MAP3K11: variants seen among roughly 807,000 people sequenced by gnomAD.
MAP3K11 encodes the protein SH3 domain-containing proline-rich kinase.
In MAP3K11, 46 loss-of-function variants were observed where a neutral mutation model predicts 84.9. The ratio of observed to expected loss-of-function variants is 0.54; its 90% CI spans 0.43 to 0.69. The LOEUF is 0.69. Ranked by LOEUF, MAP3K11 falls within the 30% of genes least tolerant of loss-of-function variation. The pLI is 0.00. For missense variants in MAP3K11, 1,053 were observed against 1,198.3 expected (o/e 0.88, Z 1.79); for synonymous variants, 527 against 514.7 (o/e 1.02, Z -0.32).
rs543893204 is a variant in MAP3K11 at position 65,608,205 on chromosome 11, A to G, written c.920+63T>C. 42 of 1,591,112 alleles carry G rather than the reference A, an allele frequency of 2.6e-5. 1 individual carries two copies. In the South Asian group the frequency reaches 4.7e-4, roughly 18 times the overall value. On this transcript the variant is annotated intron_variant, in intron 2 of 9. Coordinates refer to ENST00000309100, the MANE Select transcript of MAP3K11 (RefSeq NM_002419.4). Reference sequence around the variant, plus strand: ...CTGGACTTGGCCCAGCCCTAGATTTAGGCAGCCACCTCTGCCCTCTGCAGC... The same window carrying G: ...CTGGACTTGGCCCAGCCCTAGATTTGGGCAGCCACCTCTGCCCTCTGCAGC...
At chr11:65,606,592 AAGAGGGGATAGTG>A in intron 6 of MAP3K11, 86 bp downstream of exon 6, 1 of 846,176 alleles carries the variant, frequency 1.2e-6, no homozygotes. Flanking sequence ...GGCGGGGAGG[AAGAGGGGATAGTG>A]AGTGGGCTCC....
chr11:65,601,584 G>A (rs557356559), intron 8 of MAP3K11, among the ~76,000 whole-genome samples: 3 of 151,722 alleles, frequency 2.0e-5, no homozygotes, highest in Admixed American at 6.6e-5. Context: ...GTGAAACCCT[G>A]TCTCTACTAA....
Position 65,598,508 on chromosome 11 carries a change from A to G in MAP3K11, c.2327T>C (p.Ile776Thr). 6.2e-7 allele frequency: 1 copy of G among 1,613,676 alleles called. No individual in the cohort carries two copies. Among genetic ancestry groups the G allele is most frequent in the African/African-American group, 1.3e-5 (1 of 75,052 alleles). The change falls in exon 10 of 10, where the codon ATT becomes ACT. Residue 776 changes from isoleucine (I) to threonine (T), a missense_variant. By Grantham distance (89) the Ile-to-Thr change is moderately conservative. Transcript: ENST00000309100. ...RPRPSPLRSR[I>T]DPWSFVSAGP... The stretch of plus-strand genomic sequence containing the variant: ...AGCTGACACAAAGCTCCAGGGATCA[A>G]TGCGGCTGCGAAGGGGCGAGGGCCG...
chr11:65,598,246 A>G lies in MAP3K11; in HGVS notation c.*45T>C, dbSNP rs775759325. On this transcript the variant is annotated 3_prime_UTR_variant, in exon 10 of 10. Coordinates refer to ENST00000309100, the MANE Select transcript of MAP3K11 (RefSeq NM_002419.4). ...AGCTCCTGTTCCAGTGTATGCTGTG[A>G]CTCCTCCTAAGGCAGCTGGAGCTCG... is the stretch of plus-strand genomic sequence containing the variant. 1.2e-5 allele frequency: 17 copies of G among 1,376,432 alleles called. No homozygotes were observed. Among genetic ancestry groups the G allele is most frequent in the Admixed American group, 3.3e-5 (1 of 30,634 alleles). 85.3% of individuals were successfully genotyped at this position (1,376,432 alleles called of 1,614,324 possible). A position where few individuals can be genotyped will look rare whatever the true frequency, so the allele number is the denominator to read the frequency against.
rs1232143849 is a variant in MAP3K11 at position 65,613,742 on chromosome 11, C to T, written c.15G>A (p.Lys5=). The T allele has an allele frequency of 6.4e-7, 1 of 1,561,950 alleles. No homozygotes were observed. The highest frequency in any genetic ancestry group is 8.7e-7 in the Non-Finnish European group (1 of 1,154,864). ...CTAGAGGGCTCTTGAGGAAGAGGCT[C>T]TTCAAGGGCTCCATGGCCGGGAGCC... The part of the protein sequence containing the change: MEPL[K]SLFLKSPLGS... The change falls in exon 1 of 10, where the codon AAG becomes AAA. Residue 5 remains lysine (K), a synonymous_variant. Coordinates refer to ENST00000309100, the MANE Select transcript of MAP3K11 (RefSeq NM_002419.4).
In MAP3K11 at chr11:65,608,037, C is replaced by T; in HGVS notation, c.954G>A (p.Gly318=). Residue 318 remains glycine (G), a synonymous_variant, in exon 3 of 10, where the codon GGG becomes GGA. Transcript: ENST00000309100. ...AGTCAATGCCACGGTATGGCACCTC[C>T]CCGGTCAGCAGTTCCCACAGCAGCA... ...FGVLLWELLT[G]EVPYRGIDCL... is the part of the protein sequence containing the mutation. The T allele has an allele frequency of 3.1e-6, 5 of 1,614,204 alleles. No individual in the cohort carries two copies. The South Asian group carries it at 5.5e-5, about 18-fold the overall frequency.
chr11:65,606,836 G>A, intron 5 of MAP3K11, 32 bp from the exon 6 acceptor site: 7 of 1,454,364 alleles, frequency 4.8e-6, no homozygotes, highest in Non-Finnish European at 6.7e-6. Context: ...GCAGGGTTCA[G>A]GTTTGTGATG....
intron 8 of MAP3K11, among the ~76,000 whole-genome samples, chr11:65,602,010 T>C (rs1021712614): frequency 6.7e-6 from 1 of 150,366 alleles, no homozygotes; most frequent in Admixed American, 6.6e-5. Flanking sequence ...GAGACCATCC[T>C]GGCCAACATG....
chr11:65,607,253 CG>C lies in MAP3K11; in HGVS notation c.1489+16del. 1 of 1,479,106 alleles carries C rather than the reference CG, an allele frequency of 6.8e-7. No individual in the cohort carries two copies. Among genetic ancestry groups the C allele is most frequent in the Non-Finnish European group, 8.9e-7 (1 of 1,125,430 alleles). The allele number at this position is 1,479,106 out of a possible 1,614,324, so 91.6% of individuals were successfully genotyped here. On this transcript the variant is annotated intron_variant, in intron 5 of 9. Coordinates refer to ENST00000309100, the MANE Select transcript of MAP3K11 (RefSeq NM_002419.4). ...CCGCAGCCAATGGCGGGGGACGCCCCGGGGCCCGGCCCTCACCGAGTGGCAT... is the reference window on the plus strand; with the variant it reads ...CCGCAGCCAATGGCGGGGGACGCCCCGGGCCCGGCCCTCACCGAGTGGCAT...
At chr11:65,601,150 G>T (rs1001586708) in intron 8 of MAP3K11, among the ~76,000 whole-genome samples, 1 of 152,134 alleles carries the variant, frequency 6.6e-6, no homozygotes, top group East Asian at 1.9e-4. Context: ...AGACTCCTCG[G>T]CTCTCAACTC....
chr11:65,601,755 CAAA>C (rs34686164), intron 8 of MAP3K11, among the ~76,000 whole-genome samples: 3 of 125,984 alleles, frequency 2.4e-5, no homozygotes, highest in African/African-American at 3.1e-5. Flanking sequence ...GACTCCGTCT[CAAA>C]AAAAAAAAAA....
chr11:65,608,133 A>T, intron 2 of MAP3K11, 63 bp from the exon 3 acceptor site: 1 of 1,599,988 alleles, frequency 6.3e-7, no homozygotes, highest in Non-Finnish European at 8.6e-7. Flanking sequence ...CCTTACTGCC[A>T]CTTCACCCAA....
In MAP3K11 at chr11:65,599,630, A is replaced by G. The variant is rs1295178937; in HGVS notation, c.1970T>C (p.Leu657Pro). Reference sequence around the variant, plus strand: ...TCCCGGCGGCTGCAGGTCGCGGCCAAGGCCCAGCGAGGCGAGCAGGGCGGT... The same window carrying G: ...TCCCGGCGGCTGCAGGTCGCGGCCAGGGCCCAGCGAGGCGAGCAGGGCGGT... The part of the protein sequence containing the change: ...RGTALLASLG[L>P]GRDLQPPGGP... The change falls in exon 9 of 10, where the codon CTT becomes CCT. Residue 657 changes from leucine to proline, a missense_variant. By Grantham distance (98) the Leu-to-Pro change is moderately conservative. Coordinates refer to ENST00000309100, the MANE Select transcript of MAP3K11 (RefSeq NM_002419.4). 2.0e-6 allele frequency: 3 copies of G among 1,535,570 alleles called. No individual in the cohort carries two copies. The highest frequency in any genetic ancestry group is 2.6e-6 in the Non-Finnish European group (3 of 1,146,020).
intron 9 of MAP3K11, among the ~76,000 whole-genome samples, chr11:65,599,072 T>C (rs975869154): frequency 1.1e-4 from 16 of 152,174 alleles, no homozygotes; most frequent in Admixed American, 9.8e-4. Flanking sequence ...AGTGTCATGA[T>C]CACCGCTCAC....
intron 6 of MAP3K11, 189 bp downstream of exon 6, chr11:65,606,502 G>C: frequency 2.2e-6 from 1 of 460,434 alleles, no homozygotes; most frequent in Admixed American, 4.3e-5. Flanking sequence ...ACAATTATTT[G>C]ACTAAAAAAA....
intron 5 of MAP3K11, chr11:65,607,024 A>G (rs2306361): frequency 1.6e-6 from 1 of 618,416 alleles, no homozygotes; most frequent in Non-Finnish European, 2.6e-6. Context: ...GGCCCCGCCC[A>G]CTAGACCTTC....
chr11:65,604,214 G>T (rs1050031939), intron 8 of MAP3K11, among the ~76,000 whole-genome samples: 7 of 152,248 alleles, frequency 4.6e-5, no homozygotes, highest in Admixed American at 3.9e-4. Flanking sequence ...AAAAAAACAT[G>T]GGGCAAGCTT....
At position 65,613,999 on chromosome 11, in the gene MAP3K11, C is replaced by T. The variant is rs1286411646; in HGVS notation, c.-243G>A. The T allele has an allele frequency of 5.8e-6, 3 of 516,704 alleles. No homozygotes were observed. The highest frequency in any genetic ancestry group is 6.4e-5 in the East Asian group (2 of 31,146). 32.0% of individuals were successfully genotyped at this position (516,704 alleles called of 1,614,324 possible). A position where few individuals can be genotyped will look rare whatever the true frequency, so the allele number is the denominator to read the frequency against. The stretch of plus-strand genomic sequence containing the variant: ...CGGGGGGGTGGGGCCCCGGGGCCTC[C>T]GGCGCCTCACCATGGCTAGCTTGGA... On this transcript the variant is annotated 5_prime_UTR_variant, in exon 1 of 10. Coordinates refer to ENST00000309100, the MANE Select transcript of MAP3K11 (RefSeq NM_002419.4).
At position 65,599,500 on chromosome 11, in the gene MAP3K11, G is replaced by A; in HGVS notation, c.2100C>T (p.Leu700=). 3.3e-6 allele frequency: 5 copies of A among 1,498,048 alleles called. No homozygotes were observed. The highest frequency in any genetic ancestry group is 4.4e-6 in the Non-Finnish European group (5 of 1,130,054). The allele number at this position is 1,498,048 out of a possible 1,614,324, so 92.8% of individuals were successfully genotyped here. A position where few individuals can be genotyped will look rare whatever the true frequency, so the allele number is the denominator to read the frequency against. The change falls in exon 9 of 10, where the codon CTC becomes CTT. Residue 700 remains leucine (L), a synonymous_variant. Coordinates refer to ENST00000309100, the MANE Select transcript of MAP3K11 (RefSeq NM_002419.4). Reference sequence around the variant, plus strand: ...GAGTGGGCGGGGAGTCGGGCGTCTTGAGCGAGAAGCAGATGAGCGGGGAAG... The same window carrying A: ...GAGTGGGCGGGGAGTCGGGCGTCTTAAGCGAGAAGCAGATGAGCGGGGAAG... ...PPPSPLICFS[L]KTPDSPPTPA... is the part of the protein sequence containing the mutation.
Sources: gnomAD v4.1 joint callset for allele counts (sites outside exome capture counted in the v4.1 genomes callset) on GRCh38, gnomAD v4.1.1 for gene constraint, MANE v1.5 for transcripts, NCBI Gene and HGNC (gene_info 2026-07-23, HGNC 2026-07-21) for gene names.